Variants in TTBK1 observed in about 807,000 individuals in gnomAD.
TTBK1 encodes the protein tau tubulin kinase 1, also known as tau-tubulin kinase 1.
A neutral mutation model predicts 108.5 loss-of-function variants in TTBK1; 34 were observed. The ratio of observed to expected loss-of-function variants is 0.31; its 90% CI spans 0.24 to 0.42. The LOEUF (loss-of-function observed/expected upper bound fraction) is 0.42. Ranked by LOEUF, TTBK1 falls within the 10% of genes least tolerant of loss-of-function variation. The probability of loss-of-function intolerance (pLI) is 1.00; values close to 1 mark genes in which losing one functional copy is unlikely to be tolerated. For synonymous variants in TTBK1, 809 were observed against 795.1 expected (o/e 1.02, Z -0.29); for missense variants, 1,539 against 1,826.0 (o/e 0.84, Z 2.86).
At chr6:43,252,926 T>G (rs780453460) in intron 3 of TTBK1, 40 bp downstream of exon 3, 1 of 1,608,016 alleles carries the variant, frequency 6.2e-7, no homozygotes, top group Non-Finnish European at 8.5e-7. Context: ...GAAGAGATGA[T>G]GAAGCCAGGG....
Position 43,259,342 on chromosome 6 carries a change from C to T in TTBK1, c.1248+73C>T. On this transcript the variant is annotated intron_variant, in intron 11 of 14. Coordinates refer to ENST00000259750, the MANE Select transcript of TTBK1 (RefSeq NM_032538.3). The surrounding 1 kb of genome is among the most constrained non-coding windows in gnomAD (Gnocchi z 6.7). ...CCGATTCCCAGCCTTGTGCCCCTGC[C>T]CTGTTCCTCCTAAGCACCCTGTCCC... 3 of 1,372,552 alleles carry T rather than the reference C, an allele frequency of 2.2e-6. No homozygotes were observed. Among genetic ancestry groups the T allele is most frequent in the Non-Finnish European group, 3.0e-6 (3 of 1,012,870 alleles). 85.0% of individuals were successfully genotyped at this position (1,372,552 alleles called of 1,614,324 possible).
chr6:43,249,585 T>G (rs1249333985), intron 2 of TTBK1, among the ~76,000 whole-genome samples: 2 of 152,148 alleles, frequency 1.3e-5, no homozygotes, highest in Non-Finnish European at 2.9e-5. Context: ...TTTTTTAATT[T>G]TATTTTTTTG....
rs745365947 is a variant in TTBK1, at chr6:43,259,689, G to A, written c.1407G>A (p.Val469=). The A allele has an allele frequency of 1.6e-5, 26 of 1,593,004 alleles. 1 individual carries two copies. In the South Asian group the frequency reaches 2.5e-4, roughly 15 times the overall value. The change falls in exon 12 of 15, where the codon GTG becomes GTA. Residue 469 remains valine, a synonymous_variant. Transcript: ENST00000259750. This position sits in a 1 kb window ranked among gnomAD's most constrained non-coding sequence, Gnocchi z 6.7. ...SERLSTADGR[V]ELPERRSRMD... ...GGCTGTCCACGGCGGACGGGCGAGTGGAGCTACCTGAGAGGAGGTGGGTCT... is the reference window on the plus strand; with the variant it reads ...GGCTGTCCACGGCGGACGGGCGAGTAGAGCTACCTGAGAGGAGGTGGGTCT...
intron 13 of TTBK1, among the ~76,000 whole-genome samples, chr6:43,266,038 C>T (rs573821714): frequency 2.0e-5 from 3 of 152,082 alleles, no homozygotes; most frequent in Non-Finnish European, 4.4e-5. Context: ...GTCTCGGGCT[C>T]GGGTCCTGCT....
chr6:43,272,415 C>T (rs1040149311), intron 13 of TTBK1: 14 of 985,330 alleles, frequency 1.4e-5, no homozygotes, highest in African/African-American at 3.5e-5. Flanking sequence ...CTGTTTCCAA[C>T]GCCTTTGGAA....
chr6:43,284,012 G>A lies in TTBK1; in HGVS notation c.3272G>A (p.Arg1091Gln), dbSNP rs754921027. ...GCTCGGCCGCAGCAGGACCTGGCGC[G>A]GCTGGTGATGGAGAAGAGGCAGGGC... Reference protein sequence around the residue: ...KRARPQQDLARLVMEKRQGRL... With the variant: ...KRARPQQDLAQLVMEKRQGRL... Residue 1091 changes from arginine to glutamine, a missense_variant, in exon 14 of 15, where the codon CGG becomes CAG. Coordinates refer to ENST00000259750, the MANE Select transcript of TTBK1 (RefSeq NM_032538.3). The A allele has an allele frequency of 3.9e-5, 62 of 1,581,012 alleles. No individual in the cohort carries two copies. The highest frequency in any genetic ancestry group is 5.4e-5 in the African/African-American group (4 of 73,956).
intron 13 of TTBK1, among the ~76,000 whole-genome samples, chr6:43,278,528 T>C (rs1375764565): frequency 6.6e-6 from 1 of 152,150 alleles, no homozygotes; most frequent in East Asian, 1.9e-4. Flanking sequence ...GATCCAGGAT[T>C]GTGTATTTTT....
chr6:43,262,499 C>T (rs1777567592), intron 12 of TTBK1, among the ~76,000 whole-genome samples: 1 of 152,168 alleles, frequency 6.6e-6, no homozygotes, highest in Non-Finnish European at 1.5e-5. Flanking sequence ...CACAGAAACC[C>T]GAGTTTATTT....
intron 2 of TTBK1, among the ~76,000 whole-genome samples, chr6:43,249,264 G>T (rs556957853): frequency 1.3e-5 from 2 of 152,024 alleles, no homozygotes; most frequent in African/African-American, 4.8e-5. Flanking sequence ...AAGAAACCAG[G>T]TCTCCTTCCT....
intron 13 of TTBK1, among the ~76,000 whole-genome samples, chr6:43,278,623 A>G (rs1345143598): frequency 6.6e-6 from 1 of 152,212 alleles, no homozygotes; most frequent in Non-Finnish European, 1.5e-5. Context: ...TGCTGCCCTG[A>G]GAAGGAAGCA....
At chr6:43,268,699 G>A (rs1777744013) in intron 13 of TTBK1, among the ~76,000 whole-genome samples, 1 of 152,176 alleles carries the variant, frequency 6.6e-6, no homozygotes, top group Non-Finnish European at 1.5e-5. Context: ...CACAGAGCAG[G>A]ATTCTTCCAG....
At chr6:43,244,150 A>G (rs1272875450) in intron 1 of TTBK1, among the ~76,000 whole-genome samples, 1 of 151,496 alleles carries the variant, frequency 6.6e-6, no homozygotes, top group Non-Finnish European at 1.5e-5. Flanking sequence ...GCCTGTCATC[A>G]TTATCTCTCA....
chr6:43,252,942 G>T, intron 3 of TTBK1, 56 bp downstream of exon 3: 2 of 1,595,954 alleles, frequency 1.3e-6, no homozygotes, highest in Non-Finnish European at 1.7e-6. Flanking sequence ...CAGGGGCTAA[G>T]AGAGGTGATA....
intron 13 of TTBK1, chr6:43,270,673 T>G: frequency 6.1e-6 from 6 of 985,376 alleles, no homozygotes; most frequent in Non-Finnish European, 7.2e-6. Context: ...CATCACTCCC[T>G]GGTAGGATTG....
At chr6:43,270,524 A>G (rs929549210) in intron 13 of TTBK1, 11 of 985,616 alleles carry the variant, frequency 1.1e-5, no homozygotes, top group Non-Finnish European at 1.3e-5. Flanking sequence ...TTCAATGCTC[A>G]GTGATCGGGG....
At chr6:43,275,798 A>C (rs1582512302) in intron 13 of TTBK1, among the ~76,000 whole-genome samples, 7 of 119,600 alleles carry the variant, frequency 5.9e-5, no homozygotes, top group South Asian at 2.8e-4. Flanking sequence ...CTCTTCCCAC[A>C]CCCCCACCCC....
chr6:43,251,569 C>T (rs920317229), intron 2 of TTBK1, among the ~76,000 whole-genome samples: 2 of 152,226 alleles, frequency 1.3e-5, no homozygotes, highest in East Asian at 1.9e-4. Context: ...CCAGGACCCC[C>T]GGGCCTCTGA....
rs1333282349 is a variant in TTBK1 at position 43,246,629 on chromosome 6, G to T, written c.-32G>T. On this transcript the variant is annotated 5_prime_UTR_variant, in exon 2 of 15. Coordinates refer to ENST00000259750, the MANE Select transcript of TTBK1 (RefSeq NM_032538.3). ...TAGGTAGATGGCCCCCTCAGGGCAG[G>T]CCCGGCGGACACCCCTCCCTCTGGC... The T allele has an allele frequency of 3.2e-6, 5 of 1,564,970 alleles. No individual in the cohort carries two copies. The highest frequency in any genetic ancestry group is 2.4e-5 in the South Asian group (2 of 84,132).
chr6:43,262,939 C>T lies in TTBK1; in HGVS notation c.1575C>T (p.Asn525=), dbSNP rs766163058. 98 of 1,613,902 alleles carry T rather than the reference C, an allele frequency of 6.1e-5. No individual in the cohort carries two copies. The highest frequency in any genetic ancestry group is 1.6e-4 in the Middle Eastern group (1 of 6,084). The stretch of plus-strand genomic sequence containing the variant: ...CTGTGGAGCAGGAGGCCCTGAGCAA[C>T]GCCTTCCGCTCGGTGCCGCTGGCTG... ...SASVEQEALS[N]AFRSVPLAEE... is the part of the protein sequence containing the mutation. Residue 525 remains asparagine, a synonymous_variant, in exon 13 of 15, where the codon AAC becomes AAT. Transcript: ENST00000259750.
Sources: allele counts gnomAD v4.1 joint callset (sites outside exome capture counted in the v4.1 genomes callset), GRCh38; gene constraint gnomAD v4.1.1; non-coding constraint Gnocchi (gnomAD v3.1); transcripts MANE v1.5; gene names NCBI Gene and HGNC (gene_info 2026-07-23, HGNC 2026-07-21).